PRKG1: variants seen among roughly 807,000 people sequenced by gnomAD.
PRKG1 encodes the protein protein kinase cGMP-dependent 1, also known as cGMP-dependent protein kinase 1.
In PRKG1, 35 loss-of-function variants were observed where a neutral mutation model predicts 88.1. That is an observed-to-expected ratio of 0.40 (90% CI 0.30 to 0.53). The LOEUF is 0.53. PRKG1 is among the 20% of genes least tolerant of loss of function. The pLI is 0.59. For synonymous variants in PRKG1, 303 were observed against 292.5 expected (o/e 1.04, Z -0.37); for missense variants, 540 against 839.8 (o/e 0.64, Z 4.41).
At chr10:51,766,008 C>G (rs958716997) in intron 3 of PRKG1, among the ~76,000 whole-genome samples, 1 of 152,072 alleles carries the variant, frequency 6.6e-6, no homozygotes, top group African/African-American at 2.4e-5. Context: ...TGGTCACTTG[C>G]TTGCTGTGCC....
intron 2 of PRKG1, among the ~76,000 whole-genome samples, chr10:51,367,108 T>A (rs1842607174): frequency 1.3e-5 from 2 of 151,978 alleles, no homozygotes; most frequent in African/African-American, 4.8e-5. Flanking sequence ...CTTTGAGCAG[T>A]TTCATTTAGA....
intron 9 of PRKG1, among the ~76,000 whole-genome samples, chr10:52,172,679 T>C (rs1838737496): frequency 6.6e-6 from 1 of 152,234 alleles, no homozygotes; most frequent in Non-Finnish European, 1.5e-5. Context: ...TTGGAGTGAA[T>C]ATAGCATGCA....
intron 2 of PRKG1, among the ~76,000 whole-genome samples, chr10:51,332,952 C>T (rs977410472): frequency 1.3e-5 from 2 of 152,194 alleles, no homozygotes; most frequent in African/African-American, 4.8e-5. Flanking sequence ...GTGCTATCTC[C>T]TTTAACCTCC....
At chr10:51,963,112 G>A (rs999896996) in intron 5 of PRKG1, among the ~76,000 whole-genome samples, 7 of 148,616 alleles carry the variant, frequency 4.7e-5, no homozygotes, top group African/African-American at 1.8e-4. Context: ...GTAGCAAAAA[G>A]GTAAAAAAAA....
chr10:51,244,283 G>A (rs184034567), intron 2 of PRKG1, among the ~76,000 whole-genome samples: 2 of 150,060 alleles, frequency 1.3e-5, no homozygotes, highest in African/African-American at 4.9e-5. Context: ...CATTTGAATT[G>A]AGTGTAGGAA....
intron 2 of PRKG1, among the ~76,000 whole-genome samples, chr10:51,209,466 T>A (rs1450388618): frequency 6.6e-6 from 1 of 152,192 alleles, no homozygotes; most frequent in African/African-American, 2.4e-5. Context: ...GTAAGAACTG[T>A]TCACTCATTA....
chr10:51,229,176 T>C (rs1838770492), intron 2 of PRKG1, among the ~76,000 whole-genome samples: 1 of 152,148 alleles, frequency 6.6e-6, no homozygotes, highest in African/African-American at 2.4e-5. Context: ...AATATGTCTC[T>C]CCTCCACTAA....
At chr10:52,052,109 T>G (rs1374743066) in intron 5 of PRKG1, among the ~76,000 whole-genome samples, 1 of 152,234 alleles carries the variant, frequency 6.6e-6, no homozygotes, top group Non-Finnish European at 1.5e-5. Context: ...ATTCAGCTTC[T>G]GAGTCACACT....
At chr10:51,294,680 A>G (rs1032377283) in intron 2 of PRKG1, among the ~76,000 whole-genome samples, 3 of 152,156 alleles carry the variant, frequency 2.0e-5, no homozygotes, top group Non-Finnish European at 4.4e-5. Flanking sequence ...CAATATGTCT[A>G]TTTTTATGCC....
At chr10:51,398,551 C>T (rs2132662289) in intron 2 of PRKG1, among the ~76,000 whole-genome samples, 2 of 152,274 alleles carry the variant, frequency 1.3e-5, no homozygotes, top group Non-Finnish European at 2.9e-5. Context: ...GTGACCATGG[C>T]AAAGCTTCAG....
chr10:51,643,142 T>A (rs1229626859), intron 3 of PRKG1, among the ~76,000 whole-genome samples: 2 of 152,164 alleles, frequency 1.3e-5, no homozygotes, highest in African/African-American at 4.8e-5. Context: ...GTCAATGGAA[T>A]GCTAGTTAAT....
intron 7 of PRKG1, among the ~76,000 whole-genome samples, chr10:52,077,265 T>C (rs1282531193): frequency 6.6e-6 from 1 of 152,102 alleles, no homozygotes; most frequent in East Asian, 1.9e-4. Context: ...AACAGATTAG[T>C]ATCAAAATAA....
intron 2 of PRKG1, among the ~76,000 whole-genome samples, chr10:51,346,153 C>A (rs552887858): frequency 6.6e-6 from 1 of 152,238 alleles, no homozygotes; most frequent in East Asian, 1.9e-4. Flanking sequence ...CAGAGGGACG[C>A]TGAATTCCAA....
At chr10:52,252,541 A>G (rs115366986) in intron 10 of PRKG1, 226 of 152,244 alleles carry the variant, frequency 1.5e-3, no homozygotes, top group African/African-American at 5.3e-3. Context: ...GAGACTGTGT[A>G]CAGTGCAGTA....
At chr10:51,970,831 G>GATATATATATATATATATATGTGAT (rs59493582) in intron 5 of PRKG1, among the ~76,000 whole-genome samples, 1 of 136,618 alleles carries the variant, frequency 7.3e-6, no homozygotes, top group South Asian at 2.3e-4. Flanking sequence ...ATATATATGT[G>GATATATATATATATATATATGTGAT]ATATATATAT....
intron 2 of PRKG1, among the ~76,000 whole-genome samples, chr10:51,352,708 A>G (rs1842276705): frequency 6.6e-6 from 1 of 152,172 alleles, no homozygotes; most frequent in Non-Finnish European, 1.5e-5. Context: ...TACAGATTCA[A>G]TGCAATCCCT....
At chr10:51,033,621 G>A (rs1317210313) in intron 1 of PRKG1, among the ~76,000 whole-genome samples, 3 of 152,016 alleles carry the variant, frequency 2.0e-5, no homozygotes, top group African/African-American at 7.2e-5. Flanking sequence ...TCTACCACAC[G>A]GCCCTCTAGA....
intron 3 of PRKG1, among the ~76,000 whole-genome samples, chr10:51,741,198 G>A (rs527357815): frequency 6.6e-6 from 1 of 151,970 alleles, no homozygotes; most frequent in East Asian, 1.9e-4. Flanking sequence ...AGTCATTCTG[G>A]GTGTAAAATA....
chr10:51,096,363 T>A (rs568327844), intron 1 of PRKG1, among the ~76,000 whole-genome samples: 1 of 152,302 alleles, frequency 6.6e-6, no homozygotes, highest in South Asian at 2.1e-4. Flanking sequence ...TAATAATTTT[T>A]AGGTCAGTAG....
Sources: gnomAD v4.1 joint callset for allele counts (sites outside exome capture counted in the v4.1 genomes callset) on GRCh38, gnomAD v4.1.1 for gene constraint, MANE v1.5 for transcripts, NCBI Gene and HGNC (gene_info 2026-07-23, HGNC 2026-07-21) for gene names.